Variants in HCN1 observed in about 807,000 individuals in gnomAD.
HCN1 encodes the protein potassium/sodium hyperpolarization-activated cyclic nucleotide-gated channel 1.
A neutral mutation model predicts 78.9 loss-of-function variants in HCN1; 13 were observed. The ratio of observed to expected loss-of-function variants is 0.16; its 90% CI spans 0.11 to 0.26. The LOEUF is 0.26. Ranked by LOEUF, HCN1 falls within the 10% of genes least tolerant of loss-of-function variation. The pLI, the probability that HCN1 is intolerant of heterozygous loss-of-function variation, is 1.00. For missense variants in HCN1, 810 were observed against 1,154.3 expected (o/e 0.70, Z 4.32); for synonymous variants, 552 against 455.5 (o/e 1.21, Z -2.70).
intron 2 of HCN1, among the ~76,000 whole-genome samples, chr5:45,610,144 G>A (rs1204852263): frequency 1.3e-5 from 2 of 152,094 alleles, no homozygotes; most frequent in East Asian, 1.9e-4. Context: ...TAAAAGAGGT[G>A]TGATTTTTAT....
At chr5:45,340,529 G>C (rs1014256096) in intron 5 of HCN1, among the ~76,000 whole-genome samples, 3 of 152,068 alleles carry the variant, frequency 2.0e-5, no homozygotes, top group African/African-American at 7.2e-5. Flanking sequence ...GCTATGATCT[G>C]TCTCACTCTA....
At chr5:45,501,225 G>A (rs1393836800) in intron 2 of HCN1, among the ~76,000 whole-genome samples, 3 of 152,036 alleles carry the variant, frequency 2.0e-5, no homozygotes, top group African/African-American at 7.2e-5. Flanking sequence ...TATTATACTT[G>A]AGAGAAAATA....
intron 6 of HCN1, among the ~76,000 whole-genome samples, chr5:45,298,717 T>C (rs1745548416): frequency 6.6e-6 from 1 of 152,050 alleles, no homozygotes; most frequent in South Asian, 2.1e-4. Context: ...ATTTATGTCA[T>C]ACGTGGCCTT....
intron 5 of HCN1, among the ~76,000 whole-genome samples, chr5:45,322,507 AT>A (rs1291401288): frequency 4.0e-5 from 6 of 151,872 alleles, no homozygotes; most frequent in Non-Finnish European, 8.8e-5. Flanking sequence ...GATTTTTCTC[AT>A]TTTAGAATAT....
intron 6 of HCN1, among the ~76,000 whole-genome samples, chr5:45,301,785 T>A (rs1053200680): frequency 4.0e-5 from 6 of 149,842 alleles, no homozygotes; most frequent in Non-Finnish European, 7.4e-5. Flanking sequence ...AAAACCCGCT[T>A]ACAGAACATA....
At chr5:45,340,481 A>C (rs1027097879) in intron 5 of HCN1, among the ~76,000 whole-genome samples, 1 of 152,016 alleles carries the variant, frequency 6.6e-6, no homozygotes, top group Non-Finnish European at 1.5e-5. Flanking sequence ...TTTGATATTT[A>C]TTCCTGATAC....
intron 6 of HCN1, among the ~76,000 whole-genome samples, chr5:45,270,815 C>G (rs992491430): frequency 6.6e-6 from 1 of 151,978 alleles, no homozygotes; most frequent in Non-Finnish European, 1.5e-5. Context: ...AAGAATATAG[C>G]TATTCTCAGT....
intron 2 of HCN1, among the ~76,000 whole-genome samples, chr5:45,549,752 A>T (rs1279334032): frequency 2.0e-5 from 3 of 152,210 alleles, no homozygotes; most frequent in Non-Finnish European, 4.4e-5. Context: ...TACTCATCTG[A>T]CAAAGGGCTA....
rs1744622449 is a variant in HCN1, at chr5:45,256,699, C to G, written c.*5222G>C. The G allele has an allele frequency of 6.6e-6, 1 of 152,114 alleles. No individual in the cohort carries two copies. Among genetic ancestry groups the G allele is most frequent in the Non-Finnish European group, 1.5e-5 (1 of 68,040 alleles). 9.4% of individuals were successfully genotyped at this position (152,114 alleles called of 1,614,324 possible). ...AATACACCACCTATAGTCGGGTTTT[C>G]TAAACACTGCAGGTATGTAAGTATA... On this transcript the variant is annotated 3_prime_UTR_variant, in exon 8 of 8. Coordinates refer to ENST00000303230, the MANE Select transcript of HCN1 (RefSeq NM_021072.4).
intron 5 of HCN1, among the ~76,000 whole-genome samples, chr5:45,333,975 A>C (rs1426966287): frequency 6.6e-6 from 1 of 151,744 alleles, no homozygotes; most frequent in African/African-American, 2.4e-5. Context: ...GACTGTATTG[A>C]CTTCTTAGTA....
At chr5:45,463,098 G>A (rs1375170777) in intron 2 of HCN1, among the ~76,000 whole-genome samples, 1 of 151,786 alleles carries the variant, frequency 6.6e-6, no homozygotes, top group Non-Finnish European at 1.5e-5. Flanking sequence ...CCAAAAGAAT[G>A]GTGTGTTTTT....
rs1380913340 is a variant in HCN1 at position 45,682,284 on chromosome 5, TATATAC to T, written c.425+13379_425+13384del. 1.1e-3 allele frequency among the ~76,000 whole-genome samples: 121 copies of T among 112,600 alleles called. 2 individuals are homozygous for T. The highest frequency in any genetic ancestry group is 9.0e-3 in the East Asian group (35 of 3,882). 73.9% of individuals were successfully genotyped at this position (112,600 alleles called of 152,430 possible). A position where few individuals can be genotyped will look rare whatever the true frequency, so the allele number is the denominator to read the frequency against. On this transcript the variant is annotated intron_variant, in intron 1 of 7. Transcript: ENST00000303230. ...ATATATATATATACATATATATATA[TATATAC>T]ACATATATATATCCCAATTTTAAAA...
At chr5:45,444,817 T>TATA (rs1466798146) in intron 3 of HCN1, among the ~76,000 whole-genome samples, 1 of 151,012 alleles carries the variant, frequency 6.6e-6, no homozygotes, top group Non-Finnish European at 1.5e-5. Flanking sequence ...TTATTATTAT[T>TATA]ATACTTTAAG....
At chr5:45,310,827 G>A (rs1169584756) in intron 5 of HCN1, among the ~76,000 whole-genome samples, 1 of 152,158 alleles carries the variant, frequency 6.6e-6, no homozygotes, top group Non-Finnish European at 1.5e-5. Flanking sequence ...GGAATACTAT[G>A]CAGCCATAAA....
intron 3 of HCN1, among the ~76,000 whole-genome samples, chr5:45,445,067 C>T (rs548076960): frequency 4.6e-5 from 7 of 152,296 alleles, no homozygotes; most frequent in South Asian, 2.1e-4. Context: ...GTGCGTGAGC[C>T]GAAACAGGGC....
chr5:45,275,150 G>A (rs1315586035), intron 6 of HCN1, among the ~76,000 whole-genome samples: 1 of 151,938 alleles, frequency 6.6e-6, no homozygotes, highest in Non-Finnish European at 1.5e-5. Context: ...GGAGGCTGAG[G>A]CAGGAGAATC....
At chr5:45,280,751 A>T (rs184051596) in intron 6 of HCN1, among the ~76,000 whole-genome samples, 17 of 152,366 alleles carry the variant, frequency 1.1e-4, no homozygotes, top group Admixed American at 9.1e-4. Flanking sequence ...TTTAGATATC[A>T]AAGCATCTAT....
At chr5:45,533,711 C>T (rs1742905877) in intron 2 of HCN1, among the ~76,000 whole-genome samples, 1 of 152,172 alleles carries the variant, frequency 6.6e-6, no homozygotes, top group South Asian at 2.1e-4. Context: ...GCTCTCCCTT[C>T]AGGCTAAAAA....
rs533900142 is a variant in HCN1, at chr5:45,627,648, C to G, written c.849+17537G>C. ...ATGTCTACTTTGCACCACATATATGCTGTTAGAAGAAAATAATTTCCTTCT... is the reference window on the plus strand; with the variant it reads ...ATGTCTACTTTGCACCACATATATGGTGTTAGAAGAAAATAATTTCCTTCT... On this transcript the variant is annotated intron_variant, in intron 2 of 7. Coordinates refer to ENST00000303230, the MANE Select transcript of HCN1 (RefSeq NM_021072.4). Among the ~76,000 whole-genome samples the G allele has an allele frequency of 2.0e-5, 3 of 152,240 alleles. No individual in the cohort carries two copies. The East Asian group carries it at 5.8e-4, about 29-fold the overall frequency.
Sources: allele counts gnomAD v4.1 joint callset (sites outside exome capture counted in the v4.1 genomes callset), GRCh38; gene constraint gnomAD v4.1.1; transcripts MANE v1.5; gene names NCBI Gene and HGNC (gene_info 2026-07-23, HGNC 2026-07-21).